The following IQCH variants were observed in gnomAD, a reference collection of about 807,000 sequenced individuals.
IQCH encodes IQ domain-containing protein H.
In IQCH, 98 loss-of-function variants were observed where a neutral mutation model predicts 117.0. The observed-to-expected ratio is 0.84, with a 90% CI of 0.71 to 0.99. The LOEUF (loss-of-function observed/expected upper bound fraction) is 0.99. IQCH is among the 50% of genes least tolerant of loss of function. IQCH has a pLI of 0.00. For missense variants in IQCH, 1,102 were observed against 1,243.8 expected (o/e 0.89, Z 1.72); for synonymous variants, 412 against 448.2 (o/e 0.92, Z 1.02).
rs140833515 is a variant in IQCH at position 67,292,176 on chromosome 15, A to C, written c.387+12664A>C. Among the ~76,000 whole-genome samples the C allele has an allele frequency of 2.6e-5, 4 of 152,270 alleles. No individual in the cohort carries two copies. In the East Asian group the frequency reaches 7.7e-4, roughly 29 times the overall value. ...GAAGCAGGCCCTCACCAAACACTGA[A>C]TCTACCAGTGTCTTGATCTTGAACT... On this transcript the variant is annotated intron_variant, in intron 4 of 20. Coordinates refer to ENST00000335894, the MANE Select transcript of IQCH (RefSeq NM_001031715.3).
intron 3 of IQCH, among the ~76,000 whole-genome samples, chr15:67,277,552 T>A (rs969800715): frequency 4.5e-5 from 5 of 111,166 alleles, no homozygotes; most frequent in African/African-American, 9.5e-5. Flanking sequence ...TTTTTTTTTT[T>A]AGACGGAGTC....
chr15:67,299,649 A>G (rs928562890), intron 4 of IQCH, among the ~76,000 whole-genome samples: 1 of 152,164 alleles, frequency 6.6e-6, no homozygotes, highest in African/African-American at 2.4e-5. Context: ...CATTTGTCAT[A>G]TAGGTTCTTC....
intron 4 of IQCH, among the ~76,000 whole-genome samples, chr15:67,288,428 G>A (rs1753298012): frequency 6.6e-6 from 1 of 152,058 alleles, no homozygotes; most frequent in African/African-American, 2.4e-5. Context: ...CGATGATCCA[G>A]TATTGGGTGC....
Position 67,387,633 on chromosome 15 carries a change from G to A in IQCH, c.1457-1198G>A, listed in dbSNP as rs1971149689. ...ATCACTGTTGGCCAGCCTAGTCAGG[G>A]TGGGCCAGGAGCACATTCACACACC... On this transcript the variant is annotated intron_variant, in intron 11 of 20. Transcript: ENST00000335894. This position sits in a 1 kb window ranked among gnomAD's most constrained non-coding sequence, Gnocchi z 4.8. Among the ~76,000 whole-genome samples the A allele has an allele frequency of 6.6e-6, 1 of 152,138 alleles. No homozygotes were observed. Among genetic ancestry groups the A allele is most frequent in the African/African-American group, 2.4e-5 (1 of 41,424 alleles).
chr15:67,328,160 GTT>G (rs11357563), intron 4 of IQCH, among the ~76,000 whole-genome samples: 11 of 150,854 alleles, frequency 7.3e-5, no homozygotes, highest in Non-Finnish European at 1.6e-4. Context: ...TTTGTTTTTA[GTT>G]TTTTTTTTAC....
At chr15:67,440,089 AC>A (rs1490639588) in intron 16 of IQCH, among the ~76,000 whole-genome samples, 1 of 152,172 alleles carries the variant, frequency 6.6e-6, no homozygotes, top group African/African-American at 2.4e-5. Flanking sequence ...TACTATGACC[AC>A]CTTTACACAC....
chr15:67,307,271 G>A, intron 4 of IQCH: 13 of 605,796 alleles, frequency 2.1e-5, no homozygotes, highest in Non-Finnish European at 2.7e-5. Context: ...ATACTATTAT[G>A]ATTTCTAGAT....
chr15:67,324,470 C>T (rs1403030982), intron 4 of IQCH, among the ~76,000 whole-genome samples: 1 of 151,806 alleles, frequency 6.6e-6, no homozygotes, highest in African/African-American at 2.4e-5. Context: ...ATTAGCCAGG[C>T]GTGGTGGCAC....
In IQCH at chr15:67,372,628, A is replaced by C; in HGVS notation, c.1271A>C (p.Gln424Pro). Residue 424 changes from glutamine to proline, a missense_variant, in exon 9 of 21, where the codon CAG becomes CCG. By Grantham distance (76) the Gln-to-Pro change is moderately conservative. Around this residue, in one of 2 missense-constraint regions of IQCH, gnomAD observed 650 missense variants for 794.3 expected, o/e 0.82. Transcript: ENST00000335894. ...AAGAAGATACTAAAGGAATCACGTC[A>C]GAGACACCTGGAGAATTTTCGCATT... ...RLKKILKESR[Q>P]RHLENFRIRA... 1 of 1,610,052 alleles carries C rather than the reference A, an allele frequency of 6.2e-7. No homozygotes were observed. The highest frequency in any genetic ancestry group is 1.1e-5 in the South Asian group (1 of 90,430).
chr15:67,461,849 A>G (rs1320384852), intron 16 of IQCH, among the ~76,000 whole-genome samples: 2 of 152,212 alleles, frequency 1.3e-5, no homozygotes, highest in East Asian at 1.9e-4. Flanking sequence ...ACAATTACGT[A>G]TGGGGACAAC....
In IQCH at chr15:67,445,812, G is replaced by C. The variant is rs2082378630; in HGVS notation, c.2506-19315G>C. ...CTATTAAACCAACCCACTGGAGCTT[G>C]ATCAGGTAGTCAGGAACCAATAGAA... is the stretch of plus-strand genomic sequence containing the variant. On this transcript the variant is annotated intron_variant, in intron 16 of 20. Transcript: ENST00000335894. This position sits in a 1 kb window ranked among gnomAD's most constrained non-coding sequence, Gnocchi z 4.3. 6.6e-6 allele frequency among the ~76,000 whole-genome samples: 1 copy of C among 152,170 alleles called. No individual in the cohort carries two copies. The highest frequency in any genetic ancestry group is 2.4e-5 in the African/African-American group (1 of 41,438).
At chr15:67,438,476 A>C (rs1325005701) in intron 16 of IQCH, among the ~76,000 whole-genome samples, 2 of 152,220 alleles carry the variant, frequency 1.3e-5, no homozygotes, top group Non-Finnish European at 2.9e-5. Context: ...AGGACCTATA[A>C]AACAAAAATA....
At chr15:67,307,038 A>G in intron 4 of IQCH, 1 of 1,314,282 alleles carries the variant, frequency 7.6e-7, no homozygotes, top group African/African-American at 1.5e-5. Context: ...ACAATTATGA[A>G]TGCATAACAA....
rs2082061330 is a variant in IQCH at position 67,433,506 on chromosome 15, A to G, written c.2505+11929A>G. Among the ~76,000 whole-genome samples the G allele has an allele frequency of 6.6e-6, 1 of 152,214 alleles. No individual in the cohort carries two copies. Among genetic ancestry groups the G allele is most frequent in the African/African-American group, 2.4e-5 (1 of 41,442 alleles). ...GGGTAGGATTTTGGTTGATCTGCATATAACGGACCTAATTCCTCTGTTTAC... is the reference window on the plus strand; with the variant it reads ...GGGTAGGATTTTGGTTGATCTGCATGTAACGGACCTAATTCCTCTGTTTAC... On this transcript the variant is annotated intron_variant, in intron 16 of 20. Transcript: ENST00000335894. This position sits in a 1 kb window ranked among gnomAD's most constrained non-coding sequence, Gnocchi z 5.4.
rs752653002 is a variant in IQCH, at chr15:67,385,023, C to T, written c.1456+4C>T. On this transcript the variant is annotated splice_donor_region_variant and intron_variant, in intron 11 of 20. Coordinates refer to ENST00000335894, the MANE Select transcript of IQCH (RefSeq NM_001031715.3). The surrounding 1 kb of genome is among the most constrained non-coding windows in gnomAD (Gnocchi z 4.6). ...GGGAGGCTGTGTGACATCTTAGGTA[C>T]AGTAAATAGTTTTACACAAATGACT... The T allele has an allele frequency of 7.7e-6, 12 of 1,565,410 alleles. No homozygotes were observed. The highest frequency in any genetic ancestry group is 1.1e-5 in the Non-Finnish European group (12 of 1,136,302).
chr15:67,429,604 T>C (rs749985258), intron 16 of IQCH, among the ~76,000 whole-genome samples: 3 of 152,256 alleles, frequency 2.0e-5, no homozygotes, highest in African/African-American at 7.2e-5. Flanking sequence ...TAGAATGTTA[T>C]TGTTTGCAAA....
At chr15:67,298,353 T>C (rs564564975) in intron 4 of IQCH, among the ~76,000 whole-genome samples, 2 of 148,092 alleles carry the variant, frequency 1.4e-5, no homozygotes, top group African/African-American at 4.9e-5. Context: ...AAATAAGACA[T>C]ACAAATGACA....
At chr15:67,398,388 C>T (rs780336314) in intron 13 of IQCH, among the ~76,000 whole-genome samples, 94 of 152,168 alleles carry the variant, frequency 6.2e-4, no homozygotes, top group Admixed American at 2.0e-3. Context: ...TTTAAAAAAC[C>T]TTCCTAGGCT....
At chr15:67,442,800 G>C (rs1244921803) in intron 16 of IQCH, among the ~76,000 whole-genome samples, 2 of 149,246 alleles carry the variant, frequency 1.3e-5, no homozygotes. Flanking sequence ...CAATCAACAA[G>C]TGGATAAAGA....
Sources: allele counts gnomAD v4.1 joint callset (sites outside exome capture counted in the v4.1 genomes callset), GRCh38; gene constraint gnomAD v4.1.1; regional missense constraint gnomAD v4.1.1; non-coding constraint Gnocchi (gnomAD v3.1); transcripts MANE v1.5; gene names NCBI Gene and HGNC (gene_info 2026-07-23, HGNC 2026-07-21).